The following RBBP4 variants were observed in gnomAD, a reference collection of about 807,000 sequenced individuals.
The protein encoded by RBBP4 is RB binding protein 4, chromatin remodeling factor, also known as histone-binding protein RBBP4.
A neutral mutation model predicts 57.2 loss-of-function variants in RBBP4; 3 were observed. That is an observed-to-expected ratio of 0.05 (90% CI 0.02 to 0.14). The LOEUF is 0.14. Among genes scored for constraint, RBBP4 ranks in the 10% least tolerant of loss-of-function variants. The pLI is 1.00. For synonymous variants in RBBP4, 151 were observed against 171.5 expected, an observed-to-expected ratio of 0.88 and a Z score of 0.93; for missense variants, 107 against 520.6, an observed-to-expected ratio of 0.21 and a Z score of 7.73.
At chr1:32,677,900 G>A (rs980816987) in intron 11 of RBBP4, among the ~76,000 whole-genome samples, 9 of 152,196 alleles carry the variant, frequency 5.9e-5, no homozygotes, top group African/African-American at 9.6e-5. Context: ...GCTAAGAGCA[G>A]TAAATTTTGC....
At chr1:32,668,947 T>C (rs770717103) in intron 5 of RBBP4, 25 bp from the exon 6 acceptor site, 4 of 1,613,886 alleles carry the variant, frequency 2.5e-6, no homozygotes, top group Non-Finnish European at 3.4e-6. Context: ...CTTCCTTTTA[T>C]ATAATGGTTA....
At chr1:32,677,026 T>A (rs1649132155) in intron 11 of RBBP4, among the ~76,000 whole-genome samples, 1 of 152,182 alleles carries the variant, frequency 6.6e-6, no homozygotes, top group East Asian at 1.9e-4. Flanking sequence ...CTTTATTTGG[T>A]GTTTTTAGCA....
At chr1:32,666,422 G>A (rs896285953) in intron 3 of RBBP4, among the ~76,000 whole-genome samples, 4 of 151,216 alleles carry the variant, frequency 2.6e-5, no homozygotes, top group Admixed American at 2.6e-4. Flanking sequence ...GCAGTGGCAC[G>A]ATCTCGGCTC....
rs1299652262 is a variant in RBBP4 at position 32,657,298 on chromosome 1, AC to A, written c.165-126del. 1.4e-5 allele frequency: 12 copies of A among 841,260 alleles called. No homozygotes were observed. The African/African-American group carries it at 1.9e-4, about 14-fold the overall frequency. The allele number at this position is 841,260 out of a possible 1,614,324, so 52.1% of individuals were successfully genotyped here. On this transcript the variant is annotated intron_variant, in intron 2 of 11. Coordinates refer to ENST00000373493, the MANE Select transcript of RBBP4 (RefSeq NM_005610.3). ...TTATAAAAAAAGAAAGAAAGAAAAGACCCTTAATGACTTTTTCCCCTCTCTT... is the reference window on the plus strand; with the variant it reads ...TTATAAAAAAAGAAAGAAAGAAAAGACCTTAATGACTTTTTCCCCTCTCTT...
At position 32,683,909 on chromosome 1, in the gene RBBP4, A is replaced by T; in HGVS notation, c.*4204A>T. 1 of 1,162,294 alleles carries T rather than the reference A, an allele frequency of 8.6e-7. No homozygotes were observed. 72.0% of individuals were successfully genotyped at this position (1,162,294 alleles called of 1,614,324 possible). A position where few individuals can be genotyped will look rare whatever the true frequency, so the allele number is the denominator to read the frequency against. On this transcript the variant is annotated 3_prime_UTR_variant, in exon 12 of 12. Coordinates refer to ENST00000373493, the MANE Select transcript of RBBP4 (RefSeq NM_005610.3). ...CAGCCTCCCAAAGTGCTAGGATTACAGGCGTGAGCCACCCCGTCCGGCCTG... is the reference window on the plus strand; with the variant it reads ...CAGCCTCCCAAAGTGCTAGGATTACTGGCGTGAGCCACCCCGTCCGGCCTG...
intron 2 of RBBP4, among the ~76,000 whole-genome samples, chr1:32,653,977 A>G (rs1648027123): frequency 6.6e-6 from 1 of 151,890 alleles, no homozygotes; most frequent in African/African-American, 2.4e-5. Context: ...CTTTATCATG[A>G]CCAGGAGTTC....
At position 32,669,393 on chromosome 1, in the gene RBBP4, C is replaced by G; in HGVS notation, c.888+36C>G. ...TTTATTTTAATAGAAAACATAATTT[C>G]TCTAGGTTTTTTTGAATTGCAGAGA... On this transcript the variant is annotated intron_variant, in intron 7 of 11. Transcript: ENST00000373493. The surrounding 1 kb of genome is among the most constrained non-coding windows in gnomAD (Gnocchi z 4.9). 6.4e-7 allele frequency: 1 copy of G among 1,573,642 alleles called. No individual in the cohort carries two copies. Among genetic ancestry groups the G allele is most frequent in the Non-Finnish European group, 8.6e-7 (1 of 1,167,290 alleles).
chr1:32,673,498 T>G (rs1163864359), intron 11 of RBBP4: 1 of 423,538 alleles, frequency 2.4e-6, no homozygotes, highest in Non-Finnish European at 4.6e-6. Context: ...AGTGCAATGG[T>G]GCAATCTCGG....
intron 2 of RBBP4, 44 bp from the exon 3 acceptor site, chr1:32,657,383 C>T (rs750950148): frequency 1.3e-6 from 2 of 1,579,298 alleles, no homozygotes; most frequent in East Asian, 2.3e-5. Context: ...TCGCCGTCTC[C>T]TGATGTTACT....
chr1:32,678,096 G>T (rs1215994855), intron 11 of RBBP4, among the ~76,000 whole-genome samples: 1 of 152,128 alleles, frequency 6.6e-6, no homozygotes, highest in African/African-American at 2.4e-5. Context: ...TTACAGTTGT[G>T]CAACCATCAA....
At chr1:32,652,251 C>G (rs1485910378) in intron 2 of RBBP4, 190 bp downstream of exon 2, 3 of 639,178 alleles carry the variant, frequency 4.7e-6, no homozygotes, top group Admixed American at 3.1e-5. Context: ...CAAGAGAAAA[C>G]ATATTGGCGT....
At chr1:32,679,112 C>T (rs1168746109) in intron 11 of RBBP4, among the ~76,000 whole-genome samples, 3 of 152,086 alleles carry the variant, frequency 2.0e-5, no homozygotes, top group Non-Finnish European at 4.4e-5. Flanking sequence ...GCCTGGCCAA[C>T]ATGGTGAAAC....
Position 32,680,698 on chromosome 1 carries a change from A to T in RBBP4, c.*993A>T. 1 of 667,294 alleles carries T rather than the reference A, an allele frequency of 1.5e-6. No homozygotes were observed. The highest frequency in any genetic ancestry group is 2.5e-6 in the Non-Finnish European group (1 of 405,336). The allele number at this position is 667,294 out of a possible 1,614,324, so 41.3% of individuals were successfully genotyped here. On this transcript the variant is annotated 3_prime_UTR_variant, in exon 12 of 12. Coordinates refer to ENST00000373493, the MANE Select transcript of RBBP4 (RefSeq NM_005610.3). ...ATTTAGTATAAAACATCCATCAAAC[A>T]CCAGTCTCTGGCTTCTAGAAGAGTC...
At chr1:32,668,648 G>A (rs1648752639) in intron 4 of RBBP4, 91 bp from the exon 5 acceptor site, 2 of 1,038,506 alleles carry the variant, frequency 1.9e-6, no homozygotes, top group Admixed American at 4.3e-5. Context: ...AATGTTAAGA[G>A]CTTTAGACAT....
intron 2 of RBBP4, among the ~76,000 whole-genome samples, chr1:32,654,684 T>TTTG (rs901944872): frequency 1.3e-5 from 2 of 152,128 alleles, no homozygotes; most frequent in Middle Eastern, 3.2e-3. Flanking sequence ...AGAATTGTTT[T>TTTG]TTGTTGTTGT....
chr1:32,652,437 A>T (rs1301202532), intron 2 of RBBP4: 1 of 186,994 alleles, frequency 5.3e-6, no homozygotes, highest in Non-Finnish European at 1.1e-5. Context: ...GACTTACTTG[A>T]GGCCAGGAGT....
At chr1:32,668,907 C>A in intron 5 of RBBP4, 53 bp downstream of exon 5, 1 of 1,612,688 alleles carries the variant, frequency 6.2e-7, no homozygotes, top group Middle Eastern at 1.7e-4. Context: ...CAGTTGGTTT[C>A]TTTTTTGGGG....
Position 32,669,759 on chromosome 1 carries a change from G to A in RBBP4, c.966+196G>A, listed in dbSNP as rs368502528. Among the ~76,000 whole-genome samples the A allele has an allele frequency of 2.0e-5, 3 of 152,076 alleles. No individual in the cohort carries two copies. Among genetic ancestry groups the A allele is most frequent in the African/African-American group, 7.2e-5 (3 of 41,424 alleles). On this transcript the variant is annotated intron_variant, in intron 8 of 11. Coordinates refer to ENST00000373493, the MANE Select transcript of RBBP4 (RefSeq NM_005610.3). This position sits in a 1 kb window ranked among gnomAD's most constrained non-coding sequence, Gnocchi z 4.9. ...TAAAAAATTAGCCGGGCATGGTGGC[G>A]GATGCCCGTAGTCCCAGCTACTCGG... is the stretch of plus-strand genomic sequence containing the variant.
rs11808279 is a variant in RBBP4 at position 32,679,435 on chromosome 1, A to G, written c.1213-205A>G. On this transcript the variant is annotated intron_variant, in intron 11 of 11. Coordinates refer to ENST00000373493, the MANE Select transcript of RBBP4 (RefSeq NM_005610.3). ...ATCAGCTGCTTATTTTTATTGGAAC[A>G]TGATCATGCTAATTAATATTTCATT... 8.9e-3 allele frequency among the ~76,000 whole-genome samples: 1,362 copies of G among 152,334 alleles called. 20 individuals carry two copies. The highest frequency in any genetic ancestry group is 0.031 in the African/African-American group (1,286 of 41,560).
Sources: gnomAD v4.1 joint callset for allele counts (sites outside exome capture counted in the v4.1 genomes callset) on GRCh38, gnomAD v4.1.1 for gene constraint, Gnocchi (gnomAD v3.1) non-coding constraint, MANE v1.5 for transcripts, NCBI Gene and HGNC (gene_info 2026-07-23, HGNC 2026-07-21) for gene names.